The following TRAPPC8 variants were observed in gnomAD, a reference collection of about 807,000 sequenced individuals.
TRAPPC8 encodes trafficking protein particle complex subunit 8, also known as general sporulation gene 1 homolog.
In TRAPPC8, 54 loss-of-function variants were observed where a neutral mutation model predicts 174.3. That is an observed-to-expected ratio of 0.31 (90% CI 0.25 to 0.39). TRAPPC8 has a LOEUF of 0.39. TRAPPC8 is among the 10% of genes least tolerant of loss of function. The pLI is 1.00. For synonymous variants in TRAPPC8, 630 were observed against 579.9 expected, an observed-to-expected ratio of 1.09 and a Z score of -1.24; for missense variants, 1,531 against 1,699.1, an observed-to-expected ratio of 0.90 and a Z score of 1.74.
chr18:31,854,176 T>C (rs1243789833), intron 21 of TRAPPC8, among the ~76,000 whole-genome samples: 1 of 152,236 alleles, frequency 6.6e-6, no homozygotes, highest in East Asian at 1.9e-4. Flanking sequence ...AATGGTAAAT[T>C]TTAAAATACT....
chr18:31,881,298 G>C (rs1203540389), intron 12 of TRAPPC8, among the ~76,000 whole-genome samples: 1 of 152,032 alleles, frequency 6.6e-6, no homozygotes, highest in African/African-American at 2.4e-5. Context: ...ATAGACACAT[G>C]AACAATGGAA....
chr18:31,942,926 C>G lies in TRAPPC8; in HGVS notation c.-162G>C. 1.6e-6 allele frequency: 2 copies of G among 1,232,282 alleles called. No homozygotes were observed. The highest frequency in any genetic ancestry group is 2.0e-6 in the Non-Finnish European group (2 of 985,584). The allele number at this position is 1,232,282 out of a possible 1,614,324, so 76.3% of individuals were successfully genotyped here. ...CAAGAAGGAACAGACGCCGCCGCTT[C>G]GGTTTCTGGGGCACAATCCACTGAC... On this transcript the variant is annotated 5_prime_UTR_variant, in exon 1 of 29. Coordinates refer to ENST00000283351, the MANE Select transcript of TRAPPC8 (RefSeq NM_014939.5).
chr18:31,934,144 C>A (rs145245108), intron 1 of TRAPPC8, among the ~76,000 whole-genome samples: 275 of 151,326 alleles, frequency 1.8e-3, no homozygotes, highest in African/African-American at 6.3e-3. Flanking sequence ...GCCAAGATTG[C>A]GCCACTGCAC....
intron 12 of TRAPPC8, among the ~76,000 whole-genome samples, chr18:31,884,854 G>GT (rs778327825): frequency 0.1 from 14,348 of 139,136 alleles, 790 homozygotes; most frequent in African/African-American, 0.12. Context: ...AAAAAATTAA[G>GT]TTTTTTTTTT....
chr18:31,935,057 A>C (rs920980059), intron 1 of TRAPPC8, among the ~76,000 whole-genome samples: 5 of 151,936 alleles, frequency 3.3e-5, no homozygotes, highest in Admixed American at 2.0e-4. Flanking sequence ...CAAAGAAAAC[A>C]GGCTAGGCCG....
intron 25 of TRAPPC8, among the ~76,000 whole-genome samples, chr18:31,848,462 T>C (rs1598600531): frequency 6.6e-6 from 1 of 152,230 alleles, no homozygotes; most frequent in Non-Finnish European, 1.5e-5. Context: ...TTATATAATA[T>C]GATTCTAAAG....
At chr18:31,840,477 A>T (rs1050203238) in intron 26 of TRAPPC8, among the ~76,000 whole-genome samples, 7 of 151,558 alleles carry the variant, frequency 4.6e-5, no homozygotes, top group Middle Eastern at 3.4e-3. Flanking sequence ...TTTCTTGGTT[A>T]TTTTTTTTTC....
intron 2 of TRAPPC8, among the ~76,000 whole-genome samples, chr18:31,919,533 AAAAT>A (rs200943530): frequency 0.36 from 41,074 of 115,148 alleles, 7,608 homozygotes; most frequent in Middle Eastern, 0.4. Flanking sequence ...ACTCAGTCTC[AAAAT>A]AAATAAATAA....
rs117820362 is a variant in TRAPPC8 at position 31,871,926 on chromosome 18, G to C, written c.2063-806C>G. On this transcript the variant is annotated intron_variant, in intron 14 of 28. Coordinates refer to ENST00000283351, the MANE Select transcript of TRAPPC8 (RefSeq NM_014939.5). ...TTAAATTCAAATATAAGAATGTTTAGAATGACAAAGTTTAACAGCCATCGA... is the reference window on the plus strand; with the variant it reads ...TTAAATTCAAATATAAGAATGTTTACAATGACAAAGTTTAACAGCCATCGA... 3.1e-3 allele frequency among the ~76,000 whole-genome samples: 464 copies of C among 152,026 alleles called. 3 individuals carry two copies. The highest frequency in any genetic ancestry group is 0.014 in the Middle Eastern group (4 of 294).
At chr18:31,938,206 T>TA (rs2038186120) in intron 1 of TRAPPC8, among the ~76,000 whole-genome samples, 1 of 152,064 alleles carries the variant, frequency 6.6e-6, no homozygotes, top group African/African-American at 2.4e-5. Context: ...GCTTGATTAA[T>TA]TAATATTAAT....
At chr18:31,932,194 C>T (rs1335067081) in intron 1 of TRAPPC8, among the ~76,000 whole-genome samples, 1 of 151,932 alleles carries the variant, frequency 6.6e-6, no homozygotes, top group Non-Finnish European at 1.5e-5. Context: ...CTTTGGGAGG[C>T]CGAGACAGAC....
intron 16 of TRAPPC8, among the ~76,000 whole-genome samples, chr18:31,867,984 C>T (rs2034670363): frequency 6.6e-6 from 1 of 152,110 alleles, no homozygotes; most frequent in Non-Finnish European, 1.5e-5. Context: ...TTAATTTAAT[C>T]TTACAATAAT....
At chr18:31,892,004 A>G (rs2035971879) in intron 11 of TRAPPC8, among the ~76,000 whole-genome samples, 1 of 152,248 alleles carries the variant, frequency 6.6e-6, no homozygotes, top group Non-Finnish European at 1.5e-5. Flanking sequence ...TAGTAAGTAA[A>G]AAAGTCAGAA....
chr18:31,927,442 A>T (rs2037664271), intron 2 of TRAPPC8, among the ~76,000 whole-genome samples: 1 of 152,116 alleles, frequency 6.6e-6, no homozygotes, highest in Non-Finnish European at 1.5e-5. Flanking sequence ...TTTTTAGTAG[A>T]GACAGGGTTT....
At chr18:31,934,987 T>TAAAA (rs1555682631) in intron 1 of TRAPPC8, among the ~76,000 whole-genome samples, 4 of 146,084 alleles carry the variant, frequency 2.7e-5, no homozygotes, top group African/African-American at 7.4e-5. Context: ...AATAAATAAA[T>TAAAA]AAAATGTATT....
In TRAPPC8 at chr18:31,829,472, G is replaced by C. The variant is rs1015414566; in HGVS notation, c.*1283C>G. 1 of 152,210 alleles carries C rather than the reference G, an allele frequency of 6.6e-6. No homozygotes were observed. The highest frequency in any genetic ancestry group is 1.5e-5 in the Non-Finnish European group (1 of 68,074). The allele number at this position is 152,210 out of a possible 1,614,324, so 9.4% of individuals were successfully genotyped here. A position where few individuals can be genotyped will look rare whatever the true frequency, so the allele number is the denominator to read the frequency against. ...TCCCACACCTGCTAAGACACAGAGT[G>C]GAAGGAGCTGAAAAGCCAGAGACCC... On this transcript the variant is annotated 3_prime_UTR_variant, in exon 29 of 29. Coordinates refer to ENST00000283351, the MANE Select transcript of TRAPPC8 (RefSeq NM_014939.5).
At position 31,864,000 on chromosome 18, in the gene TRAPPC8, AC is replaced by A. The variant is rs1316205380; in HGVS notation, c.2745+626del. 1.9e-3 allele frequency among the ~76,000 whole-genome samples: 289 copies of A among 148,254 alleles called. 1 individual carries two copies. The highest frequency in any genetic ancestry group is 3.3e-3 in the Non-Finnish European group (219 of 67,242). ...AAAGTATTATAGAACATATTATAAT[AC>A]TTTATTATAATATGTTATTATAATA... On this transcript the variant is annotated intron_variant, in intron 19 of 28. Transcript: ENST00000283351.
chr18:31,880,122 T>TATATATATATATATATA (rs1491572903), intron 12 of TRAPPC8, among the ~76,000 whole-genome samples: 1 of 65,924 alleles, frequency 1.5e-5, no homozygotes, highest in Non-Finnish European at 3.0e-5. Context: ...TATATATATA[T>TATATATATATATATATA]TTTTTTTTTT....
rs187402760 is a variant in TRAPPC8, at chr18:31,923,564, T to C, written c.353-5897A>G. 1.1e-4 allele frequency among the ~76,000 whole-genome samples: 17 copies of C among 152,296 alleles called. No individual in the cohort carries two copies. The East Asian group carries it at 3.1e-3, about 28-fold the overall frequency. ...AATTAGAAGCATACATCTGAATATA[T>C]AAGAATTAATACCTTATTAAAATGG... is the stretch of plus-strand genomic sequence containing the variant. On this transcript the variant is annotated intron_variant, in intron 2 of 28. Coordinates refer to ENST00000283351, the MANE Select transcript of TRAPPC8 (RefSeq NM_014939.5).
Sources: gnomAD v4.1 joint callset for allele counts (sites outside exome capture counted in the v4.1 genomes callset) on GRCh38, gnomAD v4.1.1 for gene constraint, MANE v1.5 for transcripts, NCBI Gene and HGNC (gene_info 2026-07-23, HGNC 2026-07-21) for gene names.